KCND2: variants seen among roughly 807,000 people sequenced by gnomAD.
KCND2 encodes the protein potassium voltage-gated channel subfamily D member 2.
A neutral mutation model predicts 54.4 loss-of-function variants in KCND2; 16 were observed. That is an observed-to-expected ratio of 0.29 (90% CI 0.20 to 0.45). The LOEUF is 0.45. Ranked by LOEUF, KCND2 falls within the 20% of genes least tolerant of loss-of-function variation. The probability of loss-of-function intolerance (pLI) is 1.00; values close to 1 mark genes in which losing one functional copy is unlikely to be tolerated. For missense variants in KCND2, 486 were observed against 824.2 expected, an observed-to-expected ratio of 0.59 and a Z score of 5.02; for synonymous variants, 317 against 310.7, an observed-to-expected ratio of 1.02 and a Z score of -0.21.
chr7:120,340,483 T>G (rs1375638971), intron 1 of KCND2, among the ~76,000 whole-genome samples: 2 of 152,194 alleles, frequency 1.3e-5, no homozygotes, highest in African/African-American at 4.8e-5. Context: ...ACTTCAGTTT[T>G]GGGCATGCTA....
intron 1 of KCND2, among the ~76,000 whole-genome samples, chr7:120,658,713 G>A (rs1413298279): frequency 6.6e-6 from 1 of 152,116 alleles, no homozygotes; most frequent in Non-Finnish European, 1.5e-5. Context: ...CCAGCAACTA[G>A]CCCCAACATG....
intron 1 of KCND2, among the ~76,000 whole-genome samples, chr7:120,606,453 T>A (rs984466111): frequency 6.6e-6 from 1 of 152,156 alleles, no homozygotes; most frequent in Admixed American, 6.6e-5. Flanking sequence ...AATCATTGTT[T>A]AATACGATAT....
chr7:120,388,104 A>C (rs1351708316), intron 1 of KCND2, among the ~76,000 whole-genome samples: 1 of 152,062 alleles, frequency 6.6e-6, no homozygotes, highest in Non-Finnish European at 1.5e-5. Flanking sequence ...TTGCTGGGAA[A>C]AATAAATGGA....
At chr7:120,380,935 A>G (rs1800908401) in intron 1 of KCND2, among the ~76,000 whole-genome samples, 1 of 152,102 alleles carries the variant, frequency 6.6e-6, no homozygotes, top group Admixed American at 6.6e-5. Context: ...AAATTATTTT[A>G]AATTCACAAA....
At chr7:120,415,399 C>T (rs1801511016) in intron 1 of KCND2, among the ~76,000 whole-genome samples, 1 of 152,186 alleles carries the variant, frequency 6.6e-6, no homozygotes, top group South Asian at 2.1e-4. Context: ...CATACCCCCG[C>T]CTGCATCTGC....
At chr7:120,687,707 A>T (rs1008102988) in intron 1 of KCND2, among the ~76,000 whole-genome samples, 1 of 152,196 alleles carries the variant, frequency 6.6e-6, no homozygotes, top group African/African-American at 2.4e-5. Context: ...AACAAATGCA[A>T]TTTTTATTTG....
At chr7:120,549,274 A>T (rs2116393166) in intron 1 of KCND2, among the ~76,000 whole-genome samples, 1 of 152,272 alleles carries the variant, frequency 6.6e-6, no homozygotes, top group Non-Finnish European at 1.5e-5. Context: ...CTATCGTGTT[A>T]TTGGATTTAA....
rs1001926234 is a variant in KCND2, at chr7:120,706,687, A to T, written c.1116-26216A>T. Among the ~76,000 whole-genome samples, 7 of 152,316 alleles carry T rather than the reference A, an allele frequency of 4.6e-5. No homozygotes were observed. In the East Asian group the frequency reaches 1.4e-3, roughly 29 times the overall value. On this transcript the variant is annotated intron_variant, in intron 1 of 5. Transcript: ENST00000331113. ...ATAGAAGAGTGAATATTTGCTTGAAATTAGAAAAGAAAGTACAACAAATTA... is the reference window on the plus strand; with the variant it reads ...ATAGAAGAGTGAATATTTGCTTGAATTTAGAAAAGAAAGTACAACAAATTA...
chr7:120,342,452 A>T (rs1449443694), intron 1 of KCND2, among the ~76,000 whole-genome samples: 2 of 152,172 alleles, frequency 1.3e-5, no homozygotes, highest in Non-Finnish European at 2.9e-5. Context: ...ATCACCAACG[A>T]TAAATGATTC....
intron 1 of KCND2, among the ~76,000 whole-genome samples, chr7:120,487,615 C>T (rs1802713626): frequency 6.6e-6 from 1 of 152,110 alleles, no homozygotes; most frequent in African/African-American, 2.4e-5. Flanking sequence ...CCTCTGTCTC[C>T]CTACCCAGGT....
At chr7:120,585,224 A>G (rs1423507934) in intron 1 of KCND2, among the ~76,000 whole-genome samples, 1 of 152,140 alleles carries the variant, frequency 6.6e-6, no homozygotes, top group African/African-American at 2.4e-5. Flanking sequence ...TTATATCACA[A>G]AACTCACCTC....
chr7:120,563,042 T>C (rs907292456), intron 1 of KCND2, among the ~76,000 whole-genome samples: 3 of 152,312 alleles, frequency 2.0e-5, no homozygotes, highest in Non-Finnish European at 4.4e-5. Context: ...TCATGCAATA[T>C]GGAATTTGTA....
intron 1 of KCND2, among the ~76,000 whole-genome samples, chr7:120,408,223 C>A (rs547989563): frequency 6.6e-6 from 1 of 151,848 alleles, no homozygotes; most frequent in Non-Finnish European, 1.5e-5. Flanking sequence ...CATCACTAAT[C>A]AATTTTGGAG....
At chr7:120,597,983 T>C (rs1792766360) in intron 1 of KCND2, among the ~76,000 whole-genome samples, 1 of 151,802 alleles carries the variant, frequency 6.6e-6, no homozygotes, top group Non-Finnish European at 1.5e-5. Flanking sequence ...GGGAGATTTG[T>C]TTGCAGATTC....
chr7:120,720,362 T>A (rs1176840789), intron 1 of KCND2, among the ~76,000 whole-genome samples: 1 of 152,124 alleles, frequency 6.6e-6, no homozygotes, highest in Non-Finnish European at 1.5e-5. Flanking sequence ...ATCTGCTTCA[T>A]AATGTTTTGG....
intron 1 of KCND2, among the ~76,000 whole-genome samples, chr7:120,443,720 C>CT (rs1801978418): frequency 6.6e-6 from 1 of 151,872 alleles, no homozygotes; most frequent in Non-Finnish European, 1.5e-5. Context: ...TGTCCAATAC[C>CT]TAAGCTCACT....
chr7:120,639,664 A>C (rs1288698510), intron 1 of KCND2, among the ~76,000 whole-genome samples: 1 of 152,198 alleles, frequency 6.6e-6, no homozygotes, highest in Non-Finnish European at 1.5e-5. Context: ...CTTTATGCTA[A>C]TATTGAGTAG....
At chr7:120,504,109 A>T (rs1802979177) in intron 1 of KCND2, among the ~76,000 whole-genome samples, 1 of 152,000 alleles carries the variant, frequency 6.6e-6, no homozygotes, top group South Asian at 2.1e-4. Flanking sequence ...TAAAAGCTAC[A>T]TCCCAGTAAT....
rs773347530 is a variant in KCND2 at position 120,275,280 on chromosome 7, T to A, written c.648T>A (p.Ile216=). The A allele has an allele frequency of 1.9e-6, 3 of 1,613,830 alleles. No individual in the cohort carries two copies. Among genetic ancestry groups the A allele is most frequent in the Admixed American group, 1.7e-5 (1 of 59,988 alleles). ...TVPCGSSPGH[I]KELPCGERYA... ...CGTGCGGATCAAGCCCAGGTCACAT[T>A]AAAGAACTGCCCTGTGGAGAGCGGT... The change falls in exon 1 of 6, where the codon ATT becomes ATA. Residue 216 remains isoleucine (I), a synonymous_variant. Transcript: ENST00000331113.
Sources: gnomAD v4.1 joint callset for allele counts (sites outside exome capture counted in the v4.1 genomes callset) on GRCh38, gnomAD v4.1.1 for gene constraint, MANE v1.5 for transcripts, NCBI Gene and HGNC (gene_info 2026-07-23, HGNC 2026-07-21) for gene names.